The following GRIK1 variants were observed in gnomAD, a reference collection of about 807,000 sequenced individuals.
The protein encoded by GRIK1 is glutamate ionotropic receptor kainate type subunit 1.
Under a neutral mutation model 105.7 loss-of-function variants are expected in GRIK1, and 69 were observed. That is an observed-to-expected ratio of 0.65 (90% CI 0.54 to 0.80). The LOEUF (loss-of-function observed/expected upper bound fraction) is 0.80. Ranked by LOEUF, GRIK1 falls within the 30% of genes least tolerant of loss-of-function variation. The pLI is 0.00. For synonymous variants in GRIK1, 438 were observed against 431.3 expected, an observed-to-expected ratio of 1.02 and a Z score of -0.19; for missense variants, 1,109 against 1,167.3, an observed-to-expected ratio of 0.95 and a Z score of 0.73.
In GRIK1 at chr21:29,790,956, A is replaced by G. The variant is rs1255688218; in HGVS notation, c.119-96893T>C. On this transcript the variant is annotated intron_variant, in intron 1 of 17. Coordinates refer to ENST00000327783, the MANE Select transcript of GRIK1 (RefSeq NM_001330994.2). ...GTGGTGGGAAAAAAGTAAACAGGGTAATAGAAAGATGCTTGGGAAGGAGAG... is the reference window on the plus strand; with the variant it reads ...GTGGTGGGAAAAAAGTAAACAGGGTGATAGAAAGATGCTTGGGAAGGAGAG... 3.3e-5 allele frequency among the ~76,000 whole-genome samples: 5 copies of G among 152,204 alleles called. No individual in the cohort carries two copies. The East Asian group carries it at 5.8e-4, about 18-fold the overall frequency.
intron 16 of GRIK1, chr21:29,553,148 A>C: frequency 1.1e-6 from 1 of 869,868 alleles, no homozygotes; most frequent in Non-Finnish European, 1.4e-6. Context: ...AGACAGGGAG[A>C]AGAAAAGAGG....
chr21:29,555,169 C>G lies in GRIK1; in HGVS notation c.2490G>C (p.Leu830=). The G allele has an allele frequency of 6.2e-7, 1 of 1,614,014 alleles. No homozygotes were observed. Among genetic ancestry groups the G allele is most frequent in the Non-Finnish European group, 8.5e-7 (1 of 1,179,936 alleles). ...PEEDNKEASA[L]GVENIGGIFI... is the part of the protein sequence containing the mutation. Reference sequence around the variant, plus strand: ...AGATGCCTCCAATATTTTCCACTCCCAGGGCACTGGCTTCTTTGTTGTCTT... The same window carrying G: ...AGATGCCTCCAATATTTTCCACTCCGAGGGCACTGGCTTCTTTGTTGTCTT... The change falls in exon 16 of 18, where the codon CTG becomes CTC. Residue 830 remains leucine (L), a synonymous_variant. Coordinates refer to ENST00000327783, the MANE Select transcript of GRIK1 (RefSeq NM_001330994.2).
intron 1 of GRIK1, among the ~76,000 whole-genome samples, chr21:29,802,884 T>C (rs2066751710): frequency 6.6e-6 from 1 of 152,154 alleles, no homozygotes; most frequent in Admixed American, 6.6e-5. Context: ...TCACAATACG[T>C]TGCATGTTCC....
intron 7 of GRIK1, among the ~76,000 whole-genome samples, chr21:29,617,391 C>T (rs910740504): frequency 3.3e-5 from 5 of 152,100 alleles, no homozygotes; most frequent in Non-Finnish European, 5.9e-5. Context: ...GGATTGTTCC[C>T]GTGTGCAAGT....
At chr21:29,730,444 A>T (rs1238308569) in intron 1 of GRIK1, among the ~76,000 whole-genome samples, 2 of 152,244 alleles carry the variant, frequency 1.3e-5, no homozygotes, top group African/African-American at 4.8e-5. Context: ...ATTCTGAAGA[A>T]TAGTTTTCAA....
At chr21:29,845,156 C>G (rs369402535) in intron 1 of GRIK1, among the ~76,000 whole-genome samples, 108 of 152,110 alleles carry the variant, frequency 7.1e-4, no homozygotes, top group African/African-American at 2.4e-3. Context: ...TATCTAGAAT[C>G]ACTATTGGTT....
chr21:29,624,350 T>G (rs1216181831), intron 7 of GRIK1, among the ~76,000 whole-genome samples: 1 of 152,200 alleles, frequency 6.6e-6, no homozygotes, highest in African/African-American at 2.4e-5. Flanking sequence ...AGTACCAGCC[T>G]GTTTTCCATT....
intron 3 of GRIK1, among the ~76,000 whole-genome samples, chr21:29,682,502 TG>T (rs1424541964): frequency 1.3e-5 from 2 of 152,186 alleles, no homozygotes; most frequent in Admixed American, 1.3e-4. Flanking sequence ...TTTAGCTTAA[TG>T]GTGTCTATAA....
intron 1 of GRIK1, among the ~76,000 whole-genome samples, chr21:29,746,059 G>A (rs961789559): frequency 1.3e-5 from 2 of 151,956 alleles, no homozygotes; most frequent in South Asian, 2.1e-4. Flanking sequence ...AGCCAAGATC[G>A]CGCCACTGCA....
rs1308472344 is a variant in GRIK1, at chr21:29,766,256, T to C, written c.119-72193A>G. 2.0e-5 allele frequency among the ~76,000 whole-genome samples: 3 copies of C among 152,160 alleles called. No homozygotes were observed. The East Asian group carries it at 5.8e-4, about 29-fold the overall frequency. ...GCATGATGTTCTTAATATAAAACAGTAGTTCTGAATCACAGACGATTTTAT... is the reference window on the plus strand; with the variant it reads ...GCATGATGTTCTTAATATAAAACAGCAGTTCTGAATCACAGACGATTTTAT... On this transcript the variant is annotated intron_variant, in intron 1 of 17. Coordinates refer to ENST00000327783, the MANE Select transcript of GRIK1 (RefSeq NM_001330994.2).
intron 1 of GRIK1, among the ~76,000 whole-genome samples, chr21:29,894,222 C>T (rs1465435507): frequency 2.0e-5 from 3 of 151,938 alleles, no homozygotes; most frequent in African/African-American, 7.3e-5. Flanking sequence ...AGGTAAAGTC[C>T]CACGAGAGAC....
chr21:29,712,006 T>A (rs1232635409), intron 1 of GRIK1, among the ~76,000 whole-genome samples: 1 of 151,784 alleles, frequency 6.6e-6, no homozygotes, highest in Non-Finnish European at 1.5e-5. Context: ...GGGTGTATTT[T>A]CTTCCAATCC....
At chr21:29,773,762 G>A (rs1437358264) in intron 1 of GRIK1, among the ~76,000 whole-genome samples, 1 of 152,098 alleles carries the variant, frequency 6.6e-6, no homozygotes, top group Non-Finnish European at 1.5e-5. Flanking sequence ...AGGGATGAGG[G>A]GGTTGACATC....
chr21:29,714,800 C>A (rs907499054), intron 1 of GRIK1, among the ~76,000 whole-genome samples: 2 of 152,110 alleles, frequency 1.3e-5, no homozygotes, highest in African/African-American at 4.8e-5. Context: ...CTTTATAAAT[C>A]AATCAATCTC....
At chr21:29,912,360 C>T (rs2070847702) in intron 1 of GRIK1, among the ~76,000 whole-genome samples, 1 of 152,034 alleles carries the variant, frequency 6.6e-6, no homozygotes, top group Admixed American at 6.6e-5. Flanking sequence ...CCCAAGATAA[C>T]CTCTCCTCTG....
At chr21:29,608,644 C>G (rs1384262039) in intron 7 of GRIK1, among the ~76,000 whole-genome samples, 1 of 152,148 alleles carries the variant, frequency 6.6e-6, no homozygotes, top group Non-Finnish European at 1.5e-5. Context: ...CAGACACTTT[C>G]ATTCCCATCA....
intron 1 of GRIK1, among the ~76,000 whole-genome samples, chr21:29,847,523 G>A (rs987805576): frequency 1.3e-5 from 2 of 152,218 alleles, no homozygotes; most frequent in Admixed American, 6.5e-5. Flanking sequence ...GAACCTGGGA[G>A]GTGGAGGGTG....
chr21:29,807,670 A>T (rs999172544), intron 1 of GRIK1, among the ~76,000 whole-genome samples: 1 of 152,202 alleles, frequency 6.6e-6, no homozygotes, highest in African/African-American at 2.4e-5. Context: ...ATTCAAGAAC[A>T]AATTTGTTGA....
chr21:29,752,337 T>C (rs950240818), intron 1 of GRIK1, among the ~76,000 whole-genome samples: 13 of 152,202 alleles, frequency 8.5e-5, no homozygotes, highest in African/African-American at 3.1e-4. Flanking sequence ...AATTTAACTA[T>C]AAGAACAAGG....
Sources: allele counts gnomAD v4.1 joint callset (sites outside exome capture counted in the v4.1 genomes callset), GRCh38; gene constraint gnomAD v4.1.1; transcripts MANE v1.5; gene names NCBI Gene and HGNC (gene_info 2026-07-23, HGNC 2026-07-21).